The following CNTNAP2 variants were observed in gnomAD, a reference collection of about 807,000 sequenced individuals.
The protein encoded by CNTNAP2 is contactin-associated protein-like 2.
Under a neutral mutation model 155.2 loss-of-function variants are expected in CNTNAP2, and 98 were observed. That is an observed-to-expected ratio of 0.63 (90% CI 0.54 to 0.75). The LOEUF is 0.75. CNTNAP2 is among the 30% of genes least tolerant of loss of function. The pLI is 0.00. For missense variants in CNTNAP2, 1,727 were observed against 1,688.1 expected (o/e 1.02, Z -0.40); for synonymous variants, 651 against 631.2 (o/e 1.03, Z -0.47).
intron 1 of CNTNAP2, among the ~76,000 whole-genome samples, chr7:146,230,058 A>G (rs1251875752): frequency 6.6e-6 from 1 of 152,238 alleles, no homozygotes; most frequent in Non-Finnish European, 1.5e-5. Flanking sequence ...AAGAAATTCA[A>G]TGAACCTTCC....
At chr7:148,403,784 G>A (rs1799640069) in intron 22 of CNTNAP2, among the ~76,000 whole-genome samples, 1 of 152,126 alleles carries the variant, frequency 6.6e-6, no homozygotes, top group Non-Finnish European at 1.5e-5. Flanking sequence ...AGAATAAAAT[G>A]GCTTTGCCTC....
chr7:146,200,741 C>T (rs1042648054), intron 1 of CNTNAP2, among the ~76,000 whole-genome samples: 3 of 151,964 alleles, frequency 2.0e-5, no homozygotes, highest in East Asian at 1.9e-4. Flanking sequence ...ATGCACTCTG[C>T]GATGTTTATA....
chr7:147,836,554 C>T (rs1282372569), intron 13 of CNTNAP2, among the ~76,000 whole-genome samples: 2 of 152,218 alleles, frequency 1.3e-5, no homozygotes, highest in Non-Finnish European at 2.9e-5. Flanking sequence ...CACACATACA[C>T]TCTCTTTGTA....
chr7:147,754,892 A>T (rs1797193314), intron 13 of CNTNAP2, among the ~76,000 whole-genome samples: 1 of 152,216 alleles, frequency 6.6e-6, no homozygotes, highest in Non-Finnish European at 1.5e-5. Context: ...ACTCTTTTGC[A>T]TGCTTAGAAA....
intron 8 of CNTNAP2, among the ~76,000 whole-genome samples, chr7:147,257,341 T>G (rs1367808528): frequency 6.6e-6 from 1 of 152,156 alleles, no homozygotes; most frequent in Non-Finnish European, 1.5e-5. Flanking sequence ...CAGGGCAACA[T>G]CGAGTAATTC....
At chr7:147,174,799 AAAAAT>A (rs1802303044) in intron 8 of CNTNAP2, among the ~76,000 whole-genome samples, 1 of 152,158 alleles carries the variant, frequency 6.6e-6, no homozygotes, top group Non-Finnish European at 1.5e-5. Context: ...TGATGGAAAT[AAAAAT>A]AGGCAAACAC....
chr7:146,922,810 T>C (rs540251506), intron 3 of CNTNAP2, among the ~76,000 whole-genome samples: 10 of 152,306 alleles, frequency 6.6e-5, no homozygotes, highest in Non-Finnish European at 1.2e-4. Flanking sequence ...ACAGGTTAAC[T>C]GTTAGTTTCT....
At chr7:147,565,865 C>G (rs556772510) in intron 12 of CNTNAP2, among the ~76,000 whole-genome samples, 1 of 152,082 alleles carries the variant, frequency 6.6e-6, no homozygotes, top group South Asian at 2.1e-4. Flanking sequence ...GGGTGAGCCC[C>G]AAAAGCCTGA....
intron 1 of CNTNAP2, among the ~76,000 whole-genome samples, chr7:146,334,375 G>A (rs1029340636): frequency 3.4e-5 from 5 of 149,222 alleles, no homozygotes; most frequent in African/African-American, 1.2e-4. Flanking sequence ...AGGTTGCAGT[G>A]AGCCAAGATC....
At chr7:146,727,845 TTTTGGACAG>T (rs1801457596) in intron 1 of CNTNAP2, among the ~76,000 whole-genome samples, 1 of 152,184 alleles carries the variant, frequency 6.6e-6, no homozygotes, top group Non-Finnish European at 1.5e-5. Context: ...AACATTTCTT[TTTTGGACAG>T]GGAGATGTCC....
chr7:147,543,248 A>G (rs536225052), intron 11 of CNTNAP2, among the ~76,000 whole-genome samples: 1 of 152,376 alleles, frequency 6.6e-6, no homozygotes, highest in South Asian at 2.1e-4. Flanking sequence ...GCAGGAACTT[A>G]TCCTTAAGGC....
At chr7:146,421,064 A>G (rs1003049656) in intron 1 of CNTNAP2, among the ~76,000 whole-genome samples, 1 of 152,070 alleles carries the variant, frequency 6.6e-6, no homozygotes, top group Non-Finnish European at 1.5e-5. Flanking sequence ...AATCACAGGT[A>G]TAGAGTGAAA....
intron 15 of CNTNAP2, among the ~76,000 whole-genome samples, chr7:148,112,422 T>TATC (rs1804372658): frequency 7.2e-6 from 1 of 139,186 alleles, no homozygotes; most frequent in Non-Finnish European, 1.5e-5. Context: ...TTAGTATTAT[T>TATC]ATTATTATTA....
chr7:146,289,695 T>C (rs977050495), intron 1 of CNTNAP2, among the ~76,000 whole-genome samples: 1 of 152,194 alleles, frequency 6.6e-6, no homozygotes, highest in Non-Finnish European at 1.5e-5. Flanking sequence ...ATTAATTTAC[T>C]CTTTTATCAG....
At chr7:146,856,816 A>G (rs1348642280) in intron 3 of CNTNAP2, among the ~76,000 whole-genome samples, 2 of 152,120 alleles carry the variant, frequency 1.3e-5, no homozygotes, top group Non-Finnish European at 2.9e-5. Context: ...TTCTATGAGG[A>G]ATGTTCTACT....
intron 13 of CNTNAP2, among the ~76,000 whole-genome samples, chr7:147,881,902 G>A (rs183157478): frequency 2.1e-3 from 327 of 152,150 alleles, no homozygotes; most frequent in African/African-American, 7.6e-3. Context: ...AACCTGGGAA[G>A]CGGAGGTTGC....
At chr7:146,956,537 C>G (rs146689139) in intron 3 of CNTNAP2, among the ~76,000 whole-genome samples, 15 of 152,116 alleles carry the variant, frequency 9.9e-5, no homozygotes, top group African/African-American at 3.6e-4. Flanking sequence ...CCTTTTCCTG[C>G]TTGTGCTGGC....
At chr7:147,343,714 C>T (rs1795800586) in intron 9 of CNTNAP2, among the ~76,000 whole-genome samples, 1 of 152,094 alleles carries the variant, frequency 6.6e-6, no homozygotes, top group African/African-American at 2.4e-5. Flanking sequence ...CTCGATTCTC[C>T]CTTTTTTGGC....
chr7:147,865,805 G>C (rs1015150368), intron 13 of CNTNAP2, among the ~76,000 whole-genome samples: 5 of 151,978 alleles, frequency 3.3e-5, no homozygotes, highest in African/African-American at 9.7e-5. Flanking sequence ...GCATCTATTT[G>C]ATTCTTCTCT....
Sources: allele counts gnomAD v4.1 joint callset (sites outside exome capture counted in the v4.1 genomes callset), GRCh38; gene constraint gnomAD v4.1.1; transcripts MANE v1.5; gene names NCBI Gene and HGNC (gene_info 2026-07-23, HGNC 2026-07-21).